ADGRB3: variants seen among roughly 807,000 people sequenced by gnomAD.
The protein encoded by ADGRB3 is brain-specific angiogenesis inhibitor 3.
ADGRB3 carries 37 observed loss-of-function variants against 193.4 expected under a neutral mutation model. The observed-to-expected ratio is 0.19, with a 90% CI of 0.15 to 0.25. The LOEUF (loss-of-function observed/expected upper bound fraction) is 0.25. ADGRB3 is among the 10% of genes least tolerant of loss of function. The pLI is 1.00. For synonymous variants in ADGRB3, 690 were observed against 644.2 expected (o/e 1.07, Z -1.08); for missense variants, 1,637 against 1,852.9 (o/e 0.88, Z 2.14).
intron 3 of ADGRB3, among the ~76,000 whole-genome samples, chr6:68,660,366 A>G (rs1295786570): frequency 6.7e-6 from 1 of 149,974 alleles, no homozygotes; most frequent in Admixed American, 6.7e-5. Flanking sequence ...ACTTTGGGAT[A>G]CTTTCAATGG....
intron 31 of ADGRB3, among the ~76,000 whole-genome samples, chr6:69,386,008 C>T (rs544751653): frequency 3.9e-5 from 6 of 152,084 alleles, no homozygotes; most frequent in African/African-American, 1.4e-4. Flanking sequence ...AAGCCTCTGA[C>T]CTAAAGGGCA....
At chr6:69,028,630 G>A (rs1582404639) in intron 13 of ADGRB3, among the ~76,000 whole-genome samples, 1 of 152,020 alleles carries the variant, frequency 6.6e-6, no homozygotes. Context: ...ATACACCCAT[G>A]CTAAGACACA....
At chr6:69,006,168 A>G (rs1769744199) in intron 11 of ADGRB3, among the ~76,000 whole-genome samples, 2 of 152,056 alleles carry the variant, frequency 1.3e-5, no homozygotes, top group Non-Finnish European at 1.5e-5. Context: ...ACTTAATTTC[A>G]TTTCAGTATA....
chr6:68,639,855 C>G (rs1768041564), intron 3 of ADGRB3, among the ~76,000 whole-genome samples: 1 of 152,142 alleles, frequency 6.6e-6, no homozygotes, highest in African/African-American at 2.4e-5. Context: ...TTCCTCTCTC[C>G]TATCCCCACG....
At position 68,972,194 on chromosome 6, in the gene ADGRB3, C is replaced by T. The variant is rs1047825319; in HGVS notation, c.1526-2569C>T. On this transcript the variant is annotated intron_variant, in intron 8 of 31. Coordinates refer to ENST00000370598, the MANE Select transcript of ADGRB3 (RefSeq NM_001704.3). ...CCTACCTAGTGGCTGCCCCTACCCT[C>T]ACTTGAGTTGTAGATTTTTTTGTGA... Among the ~76,000 whole-genome samples, 3 of 152,364 alleles carry T rather than the reference C, an allele frequency of 2.0e-5. No individual in the cohort carries two copies. The South Asian group carries it at 6.2e-4, about 32-fold the overall frequency.
chr6:68,850,940 G>T (rs890768132), intron 3 of ADGRB3, among the ~76,000 whole-genome samples: 26 of 151,882 alleles, frequency 1.7e-4, no homozygotes, highest in African/African-American at 6.0e-4. Context: ...ATGTGTACTT[G>T]TTTCTCACAT....
At chr6:69,072,532 ATT>A (rs900074668) in intron 16 of ADGRB3, among the ~76,000 whole-genome samples, 1 of 149,810 alleles carries the variant, frequency 6.7e-6, no homozygotes, top group Non-Finnish European at 1.5e-5. Context: ...TTCTTTTCTA[ATT>A]TTTTTTTTGT....
At chr6:69,050,704 A>G (rs1226629058) in intron 15 of ADGRB3, among the ~76,000 whole-genome samples, 1 of 152,202 alleles carries the variant, frequency 6.6e-6, no homozygotes, top group Non-Finnish European at 1.5e-5. Flanking sequence ...AGAACTCTAG[A>G]CACTAACTTA....
intron 3 of ADGRB3, among the ~76,000 whole-genome samples, chr6:68,723,969 C>G (rs951482497): frequency 6.6e-6 from 1 of 151,488 alleles, no homozygotes; most frequent in Admixed American, 6.6e-5. Context: ...CACAGGACAA[C>G]CTTCCACATC....
At chr6:69,029,793 C>CT (rs1770572375) in intron 13 of ADGRB3, among the ~76,000 whole-genome samples, 1 of 151,916 alleles carries the variant, frequency 6.6e-6, no homozygotes, top group East Asian at 1.9e-4. Context: ...TTAAGATTTC[C>CT]TATAATAATA....
At position 69,290,841 on chromosome 6, in the gene ADGRB3, T is replaced by C. The variant is rs1000384850; in HGVS notation, c.2815-34031T>C. 3.3e-5 allele frequency among the ~76,000 whole-genome samples: 5 copies of C among 152,060 alleles called. No individual in the cohort carries two copies. The East Asian group carries it at 9.7e-4, about 29-fold the overall frequency. On this transcript the variant is annotated intron_variant, in intron 20 of 31. Transcript: ENST00000370598. ...GTTAGTGTTTCAGTTAACATGAAAA[T>C]CTCTGAAACAAGTACATAAGGTCAA...
At chr6:68,864,240 A>G (rs140121126) in intron 3 of ADGRB3, among the ~76,000 whole-genome samples, 2 of 152,350 alleles carry the variant, frequency 1.3e-5, no homozygotes, top group Non-Finnish European at 2.9e-5. Flanking sequence ...ATATGGCTAT[A>G]TCTATGCACA....
intron 3 of ADGRB3, among the ~76,000 whole-genome samples, chr6:68,731,761 G>A (rs1055094196): frequency 6.6e-6 from 1 of 151,198 alleles, no homozygotes; most frequent in Non-Finnish European, 1.5e-5. Flanking sequence ...TTCACTCCAA[G>A]GATAAGAAAG....
At chr6:69,176,931 T>C (rs1775442537) in intron 17 of ADGRB3, among the ~76,000 whole-genome samples, 1 of 152,234 alleles carries the variant, frequency 6.6e-6, no homozygotes, top group African/African-American at 2.4e-5. Flanking sequence ...GTATTCATAA[T>C]AGTCTTTCAG....
At chr6:69,003,950 T>G (rs972712194) in intron 11 of ADGRB3, among the ~76,000 whole-genome samples, 1 of 152,180 alleles carries the variant, frequency 6.6e-6, no homozygotes, top group Non-Finnish European at 1.5e-5. Flanking sequence ...AAATGCCATG[T>G]GCAGTAAATA....
At chr6:69,035,761 A>G (rs1353660701) in intron 13 of ADGRB3, among the ~76,000 whole-genome samples, 1 of 152,192 alleles carries the variant, frequency 6.6e-6, no homozygotes, top group African/African-American at 2.4e-5. Flanking sequence ...CAAGGTGGGC[A>G]TGAGAAGACA....
chr6:68,963,392 T>A (rs538979258), intron 8 of ADGRB3, among the ~76,000 whole-genome samples: 2 of 152,272 alleles, frequency 1.3e-5, no homozygotes, highest in East Asian at 3.9e-4. Context: ...TTATTCTCTC[T>A]TCTTTATAGC....
chr6:69,279,120 T>TGC, intron 20 of ADGRB3, among the ~76,000 whole-genome samples: 1 of 115,114 alleles, frequency 8.7e-6, no homozygotes, highest in South Asian at 3.1e-4. Context: ...TATATATATA[T>TGC]GCTCCTCAAC....
chr6:68,788,568 C>T (rs1272384754), intron 3 of ADGRB3, among the ~76,000 whole-genome samples: 1 of 152,044 alleles, frequency 6.6e-6, no homozygotes, highest in Non-Finnish European at 1.5e-5. Flanking sequence ...GAGTGCTTTA[C>T]TCCAACTATG....
Sources: allele counts gnomAD v4.1 joint callset (sites outside exome capture counted in the v4.1 genomes callset), GRCh38; gene constraint gnomAD v4.1.1; transcripts MANE v1.5; gene names NCBI Gene and HGNC (gene_info 2026-07-23, HGNC 2026-07-21).